Variants in IPCEF1 observed in about 807,000 individuals in gnomAD.
IPCEF1 encodes the protein interactor protein for cytohesin exchange factors 1.
In IPCEF1, 31 loss-of-function variants were observed where a neutral mutation model predicts 50.9. That is an observed-to-expected ratio of 0.61 (90% confidence interval 0.46 to 0.82). The LOEUF is 0.82. Among genes scored for constraint, IPCEF1 ranks in the 40% least tolerant of loss-of-function variants. The pLI is 0.00. For synonymous variants in IPCEF1, 181 were observed against 192.0 expected (o/e 0.94, Z 0.47); for missense variants, 458 against 514.0 (o/e 0.89, Z 1.05).
intron 10 of IPCEF1, among the ~76,000 whole-genome samples, chr6:154,197,758 CT>C (rs1205512399): frequency 1.3e-5 from 2 of 152,176 alleles, no homozygotes. Context: ...CCAGGGTTAT[CT>C]CTTGGGAAAG....
intron 8 of IPCEF1, 54 bp from the exon 9 acceptor site, chr6:154,212,909 T>C (rs748883986): frequency 1.7e-6 from 2 of 1,210,494 alleles, no homozygotes; most frequent in Admixed American, 3.5e-5. Flanking sequence ...GCTTATTCCA[T>C]AATGCATGAG....
intron 1 of IPCEF1, among the ~76,000 whole-genome samples, chr6:154,348,450 G>A (rs932698562): frequency 4.6e-5 from 7 of 152,192 alleles, no homozygotes; most frequent in African/African-American, 7.2e-5. Flanking sequence ...TAATTCACAC[G>A]ATTCCAGGGG....
intron 3 of IPCEF1, among the ~76,000 whole-genome samples, chr6:154,260,383 T>A (rs1781566503): frequency 6.6e-6 from 1 of 152,174 alleles, no homozygotes; most frequent in South Asian, 2.1e-4. Flanking sequence ...AGATTATCTG[T>A]CTCATTCCCA....
At chr6:154,203,186 T>C (rs1420164026) in intron 9 of IPCEF1, among the ~76,000 whole-genome samples, 1 of 152,108 alleles carries the variant, frequency 6.6e-6, no homozygotes, top group Non-Finnish European at 1.5e-5. Flanking sequence ...GAAGATCAAA[T>C]GAAAGCAGAA....
intron 5 of IPCEF1, among the ~76,000 whole-genome samples, chr6:154,224,485 A>G (rs1196695809): frequency 1.3e-5 from 2 of 152,074 alleles, no homozygotes; most frequent in Non-Finnish European, 2.9e-5. Context: ...AGGAGGGTGG[A>G]TCACTTGCGG....
At chr6:154,343,370 A>G (rs1308063013) in intron 1 of IPCEF1, among the ~76,000 whole-genome samples, 2 of 152,248 alleles carry the variant, frequency 1.3e-5, no homozygotes, top group East Asian at 3.8e-4. Flanking sequence ...CTCCTATTCA[A>G]TTAGTGGAAA....
At chr6:154,220,452 T>A (rs904495816) in intron 7 of IPCEF1, among the ~76,000 whole-genome samples, 2 of 151,960 alleles carry the variant, frequency 1.3e-5, no homozygotes, top group Middle Eastern at 3.4e-3. Flanking sequence ...AGGTCAGGAG[T>A]TCGAGACCAG....
In IPCEF1 at chr6:154,160,552, T is replaced by C. The variant is rs560498410; in HGVS notation, c.1105-512A>G. On this transcript the variant is annotated intron_variant, in intron 11 of 11. Transcript: ENST00000367220. The stretch of plus-strand genomic sequence containing the variant: ...CAGAATAAATACACAGATTATCTTT[T>C]CAGTCAAAGAAGAGGCTACTAACCT... 2.0e-5 allele frequency among the ~76,000 whole-genome samples: 3 copies of C among 152,366 alleles called. No individual in the cohort carries two copies. In the East Asian group the frequency reaches 5.8e-4, roughly 29 times the overall value.
At chr6:154,330,517 G>A (rs1049891546) in intron 1 of IPCEF1, among the ~76,000 whole-genome samples, 3 of 151,688 alleles carry the variant, frequency 2.0e-5, no homozygotes, top group Non-Finnish European at 4.4e-5. Context: ...GTAGAGATAA[G>A]GTCTTACTAT....
chr6:154,179,001 A>G (rs535112882), intron 10 of IPCEF1, among the ~76,000 whole-genome samples: 1 of 152,354 alleles, frequency 6.6e-6, no homozygotes, highest in South Asian at 2.1e-4. Context: ...GGTCTACAAC[A>G]TATCACTAAA....
chr6:154,331,085 G>A (rs1783648338), intron 1 of IPCEF1, among the ~76,000 whole-genome samples: 1 of 151,900 alleles, frequency 6.6e-6, no homozygotes, highest in South Asian at 2.1e-4. Flanking sequence ...TGGCCAACGT[G>A]GCAAAACCCC....
At chr6:154,325,103 GGAAA>G (rs1255556003) in intron 1 of IPCEF1, among the ~76,000 whole-genome samples, 1 of 152,006 alleles carries the variant, frequency 6.6e-6, no homozygotes, top group African/African-American at 2.4e-5. Context: ...TATGAATACA[GGAAA>G]GATAGTCCAC....
intron 4 of IPCEF1, 122 bp downstream of exon 4, chr6:154,247,327 G>A (rs1023764020): frequency 8.1e-5 from 58 of 716,936 alleles, no homozygotes; most frequent in East Asian, 7.2e-4. Flanking sequence ...TTAATCTGCC[G>A]TCCACCTCCT....
chr6:154,232,311 C>A (rs1010911147), intron 5 of IPCEF1, among the ~76,000 whole-genome samples: 1 of 152,142 alleles, frequency 6.6e-6, no homozygotes, highest in African/African-American at 2.4e-5. Flanking sequence ...CAGAAGCAGG[C>A]CTGGTAGGGA....
chr6:154,172,500 C>T (rs1295088934), intron 10 of IPCEF1, among the ~76,000 whole-genome samples: 1 of 152,252 alleles, frequency 6.6e-6, no homozygotes, highest in African/African-American at 2.4e-5. Flanking sequence ...CCATGCCTGG[C>T]TCGGTGGGTC....
intron 2 of IPCEF1, among the ~76,000 whole-genome samples, chr6:154,283,603 A>G (rs567113472): frequency 4.9e-4 from 75 of 152,320 alleles, no homozygotes; most frequent in African/African-American, 1.3e-3. Context: ...ATCTCAAAAA[A>G]AATTAAAATT....
In IPCEF1 at chr6:154,265,940, G is replaced by T; in HGVS notation, c.8C>A (p.Ser3Ter). The T allele has an allele frequency of 1.9e-6, 3 of 1,601,234 alleles. No homozygotes were observed. The highest frequency in any genetic ancestry group is 2.6e-6 in the Non-Finnish European group (3 of 1,172,496). Reference sequence around the variant, plus strand: ...AGCACTGCCATCAATAGCCATGTATGATGTCATCTTAGTAGAAACAAAAGC... The same window carrying T: ...AGCACTGCCATCAATAGCCATGTATTATGTCATCTTAGTAGAAACAAAAGC... MT[S>*]YMAIDGSALQ... The change falls in exon 3 of 12, where the codon TCA (serine) becomes TAA (stop). Residue 3 changes from serine to a stop codon, truncating the protein, a stop_gained. Coordinates refer to ENST00000367220, the MANE Select transcript of IPCEF1 (RefSeq NM_001130700.2). LOFTEE classifies it high-confidence loss of function.
At chr6:154,225,832 A>G (rs949578181) in intron 5 of IPCEF1, among the ~76,000 whole-genome samples, 6 of 152,238 alleles carry the variant, frequency 3.9e-5, no homozygotes, top group Admixed American at 2.0e-4. Context: ...ACTTAGACTC[A>G]GCATTTGTTT....
rs574532675 is a variant in IPCEF1, at chr6:154,355,784, C to T, written c.-62+888G>A. 5.3e-5 allele frequency among the ~76,000 whole-genome samples: 8 copies of T among 151,926 alleles called. No homozygotes were observed. In the South Asian group the frequency reaches 8.3e-4, roughly 16 times the overall value. ...GATTACAAGCGTGAGCCACCGCACC[C>T]GGCATTCTATTTTCTATTTTCTTTT... On this transcript the variant is annotated intron_variant, in intron 1 of 11. Coordinates refer to ENST00000367220, the MANE Select transcript of IPCEF1 (RefSeq NM_001130700.2).
Sources: gnomAD v4.1 joint callset for allele counts (sites outside exome capture counted in the v4.1 genomes callset) on GRCh38, gnomAD v4.1.1 for gene constraint, MANE v1.5 for transcripts, NCBI Gene and HGNC (gene_info 2026-07-23, HGNC 2026-07-21) for gene names.